The following ICE1 variants were observed in gnomAD, a reference collection of about 807,000 sequenced individuals.
ICE1 encodes the protein little elongation complex subunit 1.
A neutral mutation model predicts 192.7 loss-of-function variants in ICE1; 64 were observed. That is an observed-to-expected ratio of 0.33 (90% CI 0.27 to 0.41). The LOEUF (loss-of-function observed/expected upper bound fraction) is 0.41, where lower values mean the gene tolerates loss of function less well. Ranked by LOEUF, ICE1 falls within the 10% of genes least tolerant of loss-of-function variation. The pLI, the probability that ICE1 is intolerant of heterozygous loss-of-function variation, is 1.00. For synonymous variants in ICE1, 1,010 were observed against 984.5 expected, an observed-to-expected ratio of 1.03 and a Z score of -0.49; for missense variants, 2,708 against 2,696.0, an observed-to-expected ratio of 1.00 and a Z score of -0.10.
At chr5:5,439,060 TC>T (rs1204241556) in intron 3 of ICE1, among the ~76,000 whole-genome samples, 2 of 152,198 alleles carry the variant, frequency 1.3e-5, no homozygotes, top group Non-Finnish European at 2.9e-5. Context: ...AGTTATTTCT[TC>T]CATAACTGCA....
intron 17 of ICE1, among the ~76,000 whole-genome samples, chr5:5,480,733 C>T (rs1739480325): frequency 6.6e-6 from 1 of 152,072 alleles, no homozygotes; most frequent in Non-Finnish European, 1.5e-5. Context: ...CAACATTGCC[C>T]TAAGTAAATA....
In ICE1 at chr5:5,486,781, C is replaced by T. The variant is rs1217550481; in HGVS notation, c.6581C>T (p.Ser2194Leu). 5.6e-6 allele frequency: 9 copies of T among 1,601,566 alleles called. No homozygotes were observed. In the Middle Eastern group the frequency reaches 5.0e-4, roughly 89 times the overall value. Reference sequence around the variant, plus strand: ...CCATCTGCTGTGAAAAATATTAGTTCGGTTATTGGTATGTTTATACAGCAT... The same window carrying T: ...CCATCTGCTGTGAAAAATATTAGTTTGGTTATTGGTATGTTTATACAGCAT... ...GFPSAVKNIS[S>L]VIGMFIQHAH... The change falls in exon 18 of 19, where the codon TCG (serine) becomes TTG (leucine). Residue 2194 changes from serine to leucine, a missense_variant. Physicochemically the swap from Ser to Leu is moderately radical, Grantham distance 145. Coordinates refer to ENST00000296564, the MANE Select transcript of ICE1 (RefSeq NM_015325.3).
In ICE1 at chr5:5,437,036, T is replaced by G. The variant is rs747983173; in HGVS notation, c.144-44T>G. 3 of 1,221,308 alleles carry G rather than the reference T, an allele frequency of 2.5e-6. No individual in the cohort carries two copies. The East Asian group carries it at 7.7e-5, about 31-fold the overall frequency. 75.7% of individuals were successfully genotyped at this position (1,221,308 alleles called of 1,614,324 possible). ...AAACATAATTTTAACATAGTATATT[T>G]TCTAAATTAAAAAGTAACCTAATTT... On this transcript the variant is annotated intron_variant, in intron 2 of 18. Coordinates refer to ENST00000296564, the MANE Select transcript of ICE1 (RefSeq NM_015325.3).
Position 5,462,424 on chromosome 5 carries a change from G to T in ICE1, c.3090G>T (p.Glu1030Asp). ...GAGACACAGGGAGATCTGGTGGTGA[G>T]GCCCTGGCTGTTGCAAATGATTCTA... is the stretch of plus-strand genomic sequence containing the variant. Reference protein sequence around the residue: ...SCGDTGRSGGEALAVANDSTS... With the variant: ...SCGDTGRSGGDALAVANDSTS... The change falls in exon 13 of 19, where the codon GAG becomes GAT. Residue 1030 changes from glutamate to aspartate, a missense_variant. By Grantham distance (45) the Glu-to-Asp change is conservative. This residue lies in a region of ICE1 where 2,366 missense variants were observed against 2,276.6 expected (regional missense o/e 1.04). Coordinates refer to ENST00000296564, the MANE Select transcript of ICE1 (RefSeq NM_015325.3). 1 of 1,614,026 alleles carries T rather than the reference G, an allele frequency of 6.2e-7. No homozygotes were observed. The highest frequency in any genetic ancestry group is 8.5e-7 in the Non-Finnish European group (1 of 1,179,900).
chr5:5,475,998 A>G lies in ICE1; in HGVS notation c.6439A>G (p.Lys2147Glu). The part of the protein sequence containing the change: ...ISKELWPVMD[K>E]WIKYRKGHAN... ...TAAGGAGCTGTGGCCTGTGATGGAT[A>G]AATGGATAAAATACAGAAAAGGACA... Residue 2147 changes from lysine to glutamate, a missense_variant, in exon 17 of 19, where the codon AAA becomes GAA. Transcript: ENST00000296564. 1 of 1,611,194 alleles carries G rather than the reference A, an allele frequency of 6.2e-7. No homozygotes were observed. Among genetic ancestry groups the G allele is most frequent in the Non-Finnish European group, 8.5e-7 (1 of 1,177,980 alleles).
chr5:5,489,619 T>G lies in ICE1; in HGVS notation c.*289T>G, dbSNP rs1037586430. On this transcript the variant is annotated 3_prime_UTR_variant, in exon 19 of 19. Coordinates refer to ENST00000296564, the MANE Select transcript of ICE1 (RefSeq NM_015325.3). ...ACAAAAACTTGAACTTAGCCCTTTT[T>G]TTGCTGCAGAAAGTGTCCTTTTAGT... 52 of 234,574 alleles carry G rather than the reference T, an allele frequency of 2.2e-4. No individual in the cohort carries two copies. The highest frequency in any genetic ancestry group is 8.9e-5 in the Non-Finnish European group (11 of 123,204). 14.5% of individuals were successfully genotyped at this position (234,574 alleles called of 1,614,324 possible). A position where few individuals can be genotyped will look rare whatever the true frequency, so the allele number is the denominator to read the frequency against.
At chr5:5,439,242 C>T (rs1025420568) in intron 3 of ICE1, among the ~76,000 whole-genome samples, 3 of 152,098 alleles carry the variant, frequency 2.0e-5, no homozygotes, top group African/African-American at 7.2e-5. Context: ...TCTTCAGAAA[C>T]CTTCAGAAAC....
chr5:5,468,415 T>A (rs1416089816), intron 14 of ICE1, among the ~76,000 whole-genome samples: 5 of 151,560 alleles, frequency 3.3e-5, no homozygotes, highest in Middle Eastern at 6.8e-3. Context: ...AATTAATTTT[T>A]AAAAAAGAGA....
chr5:5,434,325 A>C (rs1737807442), intron 1 of ICE1, among the ~76,000 whole-genome samples: 1 of 152,226 alleles, frequency 6.6e-6, no homozygotes. Context: ...CAGTTCAGGA[A>C]GGAGGGCAAA....
At chr5:5,484,414 T>C (rs1464888398) in intron 17 of ICE1, among the ~76,000 whole-genome samples, 2 of 152,256 alleles carry the variant, frequency 1.3e-5, no homozygotes, top group Non-Finnish European at 2.9e-5. Context: ...CTGCTGTTAG[T>C]CATACAGTTA....
At chr5:5,469,551 C>T (rs1228183466) in intron 15 of ICE1, among the ~76,000 whole-genome samples, 1 of 152,034 alleles carries the variant, frequency 6.6e-6, no homozygotes, top group Non-Finnish European at 1.5e-5. Flanking sequence ...CTACCGGTAG[C>T]GAACTTCAAG....
At chr5:5,471,346 T>C (rs989643635) in intron 15 of ICE1, among the ~76,000 whole-genome samples, 5 of 151,342 alleles carry the variant, frequency 3.3e-5, no homozygotes, top group Non-Finnish European at 7.4e-5. Context: ...ATTAAAACTT[T>C]TCTGTACAAA....
chr5:5,487,558 TC>T (rs1252987361), intron 18 of ICE1, among the ~76,000 whole-genome samples: 1 of 152,202 alleles, frequency 6.6e-6, no homozygotes. Flanking sequence ...GAACAGTGTT[TC>T]TCATTTAAGC....
rs1221998143 is a variant in ICE1 at position 5,468,983 on chromosome 5, G to A, written c.6217G>A (p.Glu2073Lys). The A allele has an allele frequency of 1.3e-6, 2 of 1,503,100 alleles. No homozygotes were observed. The highest frequency in any genetic ancestry group is 1.4e-5 in the African/African-American group (1 of 70,074). The allele number at this position is 1,503,100 out of a possible 1,614,324, so 93.1% of individuals were successfully genotyped here. A position where few individuals can be genotyped will look rare whatever the true frequency, so the allele number is the denominator to read the frequency against. Reference sequence around the variant, plus strand: ...CTGCTTGAGAGCTTTTCTTAATTGGGAAAAGGTGAGCCATATTTCTGTTTC... The same window carrying A: ...CTGCTTGAGAGCTTTTCTTAATTGGAAAAAGGTGAGCCATATTTCTGTTTC... ...LNCLRAFLNW[E>K]KNAPVDVGFM... Residue 2073 changes from glutamate (E) to lysine (K), a missense_variant, in exon 15 of 19, where the codon GAA becomes AAA. By Grantham distance (56) the Glu-to-Lys change is moderately conservative. This residue lies in a region of ICE1 where 342 missense variants were observed against 419.3 expected (regional missense o/e 0.82). Transcript: ENST00000296564.
chr5:5,468,428 A>G (rs1010695736), intron 14 of ICE1, among the ~76,000 whole-genome samples: 16 of 137,466 alleles, frequency 1.2e-4, no homozygotes, highest in African/African-American at 4.6e-4. Flanking sequence ...AAAAGAGACA[A>G]AGAGTGTAGG....
chr5:5,426,052 A>G (rs897356660), intron 1 of ICE1, among the ~76,000 whole-genome samples: 1 of 152,198 alleles, frequency 6.6e-6, no homozygotes, highest in African/African-American at 2.4e-5. Flanking sequence ...GTGTTCAGCC[A>G]TTTTCAGATT....
chr5:5,454,929 T>C (rs1464608528), intron 11 of ICE1, among the ~76,000 whole-genome samples: 2 of 152,208 alleles, frequency 1.3e-5, no homozygotes, highest in Non-Finnish European at 2.9e-5. Flanking sequence ...CAGTTTCTTC[T>C]GAATCATTTC....
intron 10 of ICE1, 38 bp downstream of exon 10, chr5:5,447,935 T>C: frequency 6.8e-7 from 1 of 1,463,052 alleles, no homozygotes; most frequent in Non-Finnish European, 9.4e-7. Flanking sequence ...TGTTGTGTAT[T>C]GCTCTTAGTG....
intron 7 of ICE1, among the ~76,000 whole-genome samples, chr5:5,445,021 C>T (rs1398936447): frequency 6.6e-6 from 1 of 152,214 alleles, no homozygotes; most frequent in East Asian, 1.9e-4. Flanking sequence ...CAGATCCATC[C>T]TGCACACGAT....
Sources: allele counts gnomAD v4.1 joint callset (sites outside exome capture counted in the v4.1 genomes callset), GRCh38; gene constraint gnomAD v4.1.1; regional missense constraint gnomAD v4.1.1; transcripts MANE v1.5; gene names NCBI Gene and HGNC (gene_info 2026-07-23, HGNC 2026-07-21).